Variants in STK3 observed in about 807,000 individuals in gnomAD.
The protein encoded by STK3 is serine/threonine-protein kinase 3.
In STK3, 41 loss-of-function variants were observed where a neutral mutation model predicts 58.0. The ratio of observed to expected loss-of-function variants is 0.71; its 90% confidence interval spans 0.55 to 0.92. STK3 has a LOEUF of 0.92. Ranked by LOEUF, STK3 falls within the 40% of genes least tolerant of loss-of-function variation. The pLI is 0.00. For missense variants in STK3, 479 were observed against 602.7 expected (o/e 0.79, Z 2.15); for synonymous variants, 170 against 191.0 (o/e 0.89, Z 0.91).
At chr8:98,523,476 G>A (rs752523641) in intron 10 of STK3, among the ~76,000 whole-genome samples, 4 of 151,156 alleles carry the variant, frequency 2.6e-5, no homozygotes, top group Non-Finnish European at 5.9e-5. Flanking sequence ...CTGGGTTCAA[G>A]TGATTCTCCT....
At chr8:98,854,889 T>C (rs924857906) in intron 3 of STK3, among the ~76,000 whole-genome samples, 3 of 152,226 alleles carry the variant, frequency 2.0e-5, no homozygotes, top group Admixed American at 1.3e-4. Flanking sequence ...AAACCCCGTC[T>C]CTACTAAAAA....
At chr8:98,657,153 C>T (rs1821608938) in intron 6 of STK3, among the ~76,000 whole-genome samples, 1 of 151,868 alleles carries the variant, frequency 6.6e-6, no homozygotes, top group Admixed American at 6.6e-5. Context: ...ATAATATATA[C>T]ATAACAGTCA....
chr8:98,631,311 C>T (rs1819210816), intron 6 of STK3, among the ~76,000 whole-genome samples: 1 of 152,170 alleles, frequency 6.6e-6, no homozygotes, highest in Non-Finnish European at 1.5e-5. Flanking sequence ...AAAGGTCCTG[C>T]CGTGGTTTAT....
chr8:98,536,017 T>C (rs1223370463), intron 9 of STK3, among the ~76,000 whole-genome samples: 6 of 152,232 alleles, frequency 3.9e-5, no homozygotes, highest in African/African-American at 1.4e-4. Flanking sequence ...GACTACTCCT[T>C]GGTGTTGACT....
chr8:98,377,874 G>C (rs539615777), intron 2 of STK3, among the ~76,000 whole-genome samples: 23 of 152,132 alleles, frequency 1.5e-4, no homozygotes, highest in Non-Finnish European at 2.6e-4. Flanking sequence ...CTCAGGGAGG[G>C]AAACGTGTTT....
chr8:98,615,449 A>G (rs1186061560), intron 6 of STK3, among the ~76,000 whole-genome samples: 2 of 151,488 alleles, frequency 1.3e-5, no homozygotes, highest in African/African-American at 4.8e-5. Context: ...CAATGGAACA[A>G]AGCTGGATGG....
chr8:98,923,870 C>A (rs1355540525), intron 1 of STK3, among the ~76,000 whole-genome samples: 3 of 145,524 alleles, frequency 2.1e-5, no homozygotes, highest in African/African-American at 5.4e-5. Flanking sequence ...CGCGCGCGCG[C>A]GCGCGCGTTG....
At chr8:98,556,014 A>C (rs979530509) in intron 8 of STK3, among the ~76,000 whole-genome samples, 2 of 152,070 alleles carry the variant, frequency 1.3e-5, no homozygotes, top group African/African-American at 4.8e-5. Flanking sequence ...GAAAGTCTAC[A>C]TCCTCAGCAA....
rs1375463285 is a variant in STK3 at position 98,611,551 on chromosome 8, C to T, written c.685-15382G>A. On this transcript the variant is annotated intron_variant, in intron 6 of 10. Transcript: ENST00000419617. ...CAAATATGATTGCCAGATAAATAAA[C>T]CCTTAGATTCTACCATAAGTTAATT... Among the ~76,000 whole-genome samples the T allele has an allele frequency of 5.3e-5, 8 of 152,112 alleles. No homozygotes were observed. In the South Asian group the frequency reaches 1.7e-3, roughly 32 times the overall value.
At chr8:98,765,211 T>C (rs1830866270) in intron 3 of STK3, among the ~76,000 whole-genome samples, 1 of 152,380 alleles carries the variant, frequency 6.6e-6, no homozygotes, top group African/African-American at 2.4e-5. Context: ...CCGAGCACTA[T>C]GCTATCTCAT....
intron 10 of STK3, among the ~76,000 whole-genome samples, chr8:98,507,308 C>A (rs1824173691): frequency 6.6e-6 from 1 of 152,274 alleles, no homozygotes; most frequent in Admixed American, 6.5e-5. Flanking sequence ...ACAGTCTTCC[C>A]CAGTTCAGTT....
intron 1 of STK3, among the ~76,000 whole-genome samples, chr8:98,895,249 T>C (rs1838402663): frequency 6.6e-6 from 1 of 152,180 alleles, no homozygotes; most frequent in South Asian, 2.1e-4. Context: ...AAACAGACTC[T>C]GGTTTGATGG....
chr8:98,573,755 A>G (rs1416774739), intron 8 of STK3, among the ~76,000 whole-genome samples: 1 of 152,100 alleles, frequency 6.6e-6, no homozygotes, highest in African/African-American at 2.4e-5. Flanking sequence ...CTTGGTACCA[A>G]TTTACTGTAT....
chr8:98,470,069 A>G (rs933448871), intron 10 of STK3, among the ~76,000 whole-genome samples: 2 of 152,228 alleles, frequency 1.3e-5, no homozygotes, highest in African/African-American at 4.8e-5. Context: ...AATTCTCCAA[A>G]GCATTCTTAG....
At position 98,846,432 on chromosome 8, in the gene STK3, A is replaced by C. The variant is rs149502304; in HGVS notation, c.110+37215T>G. Reference sequence around the variant, plus strand: ...TTTTCAGTTCTGATTTTATTCATTTAACTAACATTTATTAAGCAACTACTA... The same window carrying C: ...TTTTCAGTTCTGATTTTATTCATTTCACTAACATTTATTAAGCAACTACTA... On this transcript the variant is annotated intron_variant, in intron 3 of 12. Coordinates refer to the STK3 transcript ENST00000523601. Among the ~76,000 whole-genome samples the C allele has an allele frequency of 2.0e-5, 3 of 152,318 alleles. No homozygotes were observed. The East Asian group carries it at 5.8e-4, about 29-fold the overall frequency.
intron 10 of STK3, among the ~76,000 whole-genome samples, chr8:98,472,151 A>AC (rs1820970500): frequency 6.6e-6 from 1 of 152,186 alleles, no homozygotes; most frequent in Non-Finnish European, 1.5e-5. Context: ...CATTTAGCTA[A>AC]TAAAAAAATG....
downstream of STK3, among the ~76,000 whole-genome samples, chr8:98,398,907 C>T (rs560936514): frequency 6.6e-6 from 1 of 152,292 alleles, no homozygotes; most frequent in South Asian, 2.1e-4. Flanking sequence ...CAACAGGTAA[C>T]AAAATATTTT....
intron 6 of STK3, among the ~76,000 whole-genome samples, chr8:98,704,672 T>C (rs577144690): frequency 7.9e-5 from 12 of 152,150 alleles, no homozygotes; most frequent in Non-Finnish European, 1.8e-4. Context: ...TAATGTATAA[T>C]GTATTCATTC....
chr8:98,638,066 AT>A (rs897599940), intron 6 of STK3, among the ~76,000 whole-genome samples: 22 of 151,988 alleles, frequency 1.4e-4, no homozygotes, highest in Non-Finnish European at 2.1e-4. Flanking sequence ...CTCTCTGCTA[AT>A]TTTTTTTGGC....
Sources: allele counts gnomAD v4.1 joint callset (sites outside exome capture counted in the v4.1 genomes callset), GRCh38; gene constraint gnomAD v4.1.1; transcripts MANE v1.5; gene names NCBI Gene and HGNC (gene_info 2026-07-23, HGNC 2026-07-21).